The following LINGO2 variants were observed in gnomAD, a reference collection of about 807,000 sequenced individuals.
LINGO2 encodes leucine rich repeat and Ig domain containing 2, also known as leucine-rich repeat and immunoglobulin-like domain-containing nogo receptor-interacting protein 2.
Under a neutral mutation model 30.6 loss-of-function variants are expected in LINGO2, and 14 were observed. The ratio of observed to expected loss-of-function variants is 0.46; its 90% CI spans 0.30 to 0.72. The LOEUF is 0.72. Ranked by LOEUF, LINGO2 falls within the 30% of genes least tolerant of loss-of-function variation. The pLI, the probability that LINGO2 is intolerant of heterozygous loss-of-function variation, is 0.07. For missense variants in LINGO2, 729 were observed against 751.7 expected, an observed-to-expected ratio of 0.97 and a Z score of 0.35; for synonymous variants, 317 against 288.5, an observed-to-expected ratio of 1.10 and a Z score of -1.00.
chr9:28,959,745 G>T, the LINGO2 span, among the ~76,000 whole-genome samples: 1 of 151,798 alleles, frequency 6.6e-6, no homozygotes, highest in Non-Finnish European at 1.5e-5. Context: ...GTTTACAAAT[G>T]GCTACTGCTT....
chr9:28,630,964 T>C (rs1394541167), intron 1 of LINGO2, among the ~76,000 whole-genome samples: 2 of 151,818 alleles, frequency 1.3e-5, no homozygotes. Flanking sequence ...GTGTTGATAT[T>C]ATACTGTAAT....
chr9:28,535,044 C>T (rs952806706), intron 1 of LINGO2, among the ~76,000 whole-genome samples: 2 of 151,970 alleles, frequency 1.3e-5, no homozygotes, highest in Admixed American at 1.3e-4. Flanking sequence ...CTATTTGACC[C>T]CGGAATTCTT....
At chr9:28,403,899 CT>C (rs1193524966) in intron 2 of LINGO2, among the ~76,000 whole-genome samples, 1 of 151,852 alleles carries the variant, frequency 6.6e-6, no homozygotes, top group African/African-American at 2.4e-5. Context: ...GAATTAAATC[CT>C]TTTTTTGGCA....
rs74180792 is a variant in LINGO2, at chr9:28,199,344, C to CTTCTT, written c.-87+95863_-87+95864insAAGAA. Among the ~76,000 whole-genome samples the CTTCTT allele has an allele frequency of 5.9e-4, 69 of 117,674 alleles. 3 individuals carry two copies. The highest frequency in any genetic ancestry group is 5.4e-3 in the South Asian group (21 of 3,922). 77.2% of individuals were successfully genotyped at this position (117,674 alleles called of 152,430 possible). On this transcript the variant is annotated intron_variant, in intron 4 of 5. Coordinates refer to ENST00000379992, the Ensembl canonical transcript of LINGO2. Reference sequence around the variant, plus strand: ...CTATCTTCTTCTTCTTCTTCTTCTTCTTTTTTTTTTTTTGAGACGGAGTCT... The same window carrying CTTCTT: ...CTATCTTCTTCTTCTTCTTCTTCTTCTTCTTTTTTTTTTTTTTTGAGACGGAGTCT...
the LINGO2 span, among the ~76,000 whole-genome samples, chr9:28,775,560 C>T: frequency 6.6e-6 from 1 of 152,072 alleles, no homozygotes; most frequent in African/African-American, 2.4e-5. Flanking sequence ...TCTTTTTGGG[C>T]CTCAAACTTC....
the LINGO2 span, among the ~76,000 whole-genome samples, chr9:29,038,673 GAAA>G: frequency 4.8e-5 from 6 of 126,070 alleles, no homozygotes; most frequent in East Asian, 2.5e-4. Flanking sequence ...TCACTACTCA[GAAA>G]AAAAAAAAAA....
the LINGO2 span, among the ~76,000 whole-genome samples, chr9:28,945,147 C>T: frequency 2.5e-4 from 38 of 152,036 alleles, no homozygotes; most frequent in African/African-American, 9.2e-4. Flanking sequence ...CAAGATTGGC[C>T]CTATCGTTTT....
chr9:28,599,391 G>A (rs1429048157), intron 1 of LINGO2: 2 of 152,102 alleles, frequency 1.3e-5, no homozygotes, highest in African/African-American at 4.8e-5. Flanking sequence ...CCATAAATGA[G>A]TTCATTAAGT....
the LINGO2 span, among the ~76,000 whole-genome samples, chr9:28,874,087 C>T: frequency 2.0e-5 from 3 of 151,892 alleles, no homozygotes; most frequent in African/African-American, 7.3e-5. Flanking sequence ...CATCTGCTGG[C>T]CCATATCATG....
chr9:28,759,197 T>C, the LINGO2 span, among the ~76,000 whole-genome samples: 1 of 152,032 alleles, frequency 6.6e-6, no homozygotes, highest in African/African-American at 2.4e-5. Flanking sequence ...CTGTGATGGA[T>C]TGTTTATTTG....
the LINGO2 span, among the ~76,000 whole-genome samples, chr9:28,988,702 T>C: frequency 6.6e-6 from 1 of 152,196 alleles, no homozygotes; most frequent in Non-Finnish European, 1.5e-5. Context: ...CTAAAGAAAC[T>C]AGATAAGTGC....
chr9:28,126,257 G>T (rs1253591753), intron 4 of LINGO2, among the ~76,000 whole-genome samples: 2 of 152,002 alleles, frequency 1.3e-5, no homozygotes, highest in Non-Finnish European at 2.9e-5. Context: ...ATAGGCTTTG[G>T]CTACTACAAA....
intron 4 of LINGO2, among the ~76,000 whole-genome samples, chr9:28,074,562 A>G (rs1825570394): frequency 6.6e-6 from 1 of 152,156 alleles, no homozygotes; most frequent in Non-Finnish European, 1.5e-5. Flanking sequence ...TGTTCAAGTC[A>G]TATACCAGAG....
At chr9:28,281,640 T>C (rs1823329822) in intron 4 of LINGO2, among the ~76,000 whole-genome samples, 2 of 152,028 alleles carry the variant, frequency 1.3e-5, no homozygotes, top group African/African-American at 4.8e-5. Context: ...TTAAGATGTT[T>C]ATATAGTCTA....
the LINGO2 span, among the ~76,000 whole-genome samples, chr9:29,160,195 C>T: frequency 6.6e-6 from 1 of 152,176 alleles, no homozygotes; most frequent in East Asian, 1.9e-4. Flanking sequence ...GTTTCCAGAT[C>T]TTGCAGATAC....
chr9:28,725,087 T>C, the LINGO2 span, among the ~76,000 whole-genome samples: 2 of 152,220 alleles, frequency 1.3e-5, no homozygotes, highest in East Asian at 3.9e-4. Flanking sequence ...GAGCGTATTT[T>C]TTAATGATGA....
chr9:28,394,678 G>A (rs1021615442), intron 2 of LINGO2, among the ~76,000 whole-genome samples: 3 of 152,134 alleles, frequency 2.0e-5, no homozygotes, highest in African/African-American at 7.2e-5. Flanking sequence ...GAGGTAACAG[G>A]TAAGAAATAA....
At chr9:28,177,503 G>A (rs1049784033) in intron 4 of LINGO2, among the ~76,000 whole-genome samples, 7 of 152,118 alleles carry the variant, frequency 4.6e-5, no homozygotes, top group African/African-American at 1.4e-4. Context: ...GAACCTCTCT[G>A]ATCCCCATTA....
chr9:29,080,893 G>T, the LINGO2 span, among the ~76,000 whole-genome samples: 1 of 152,064 alleles, frequency 6.6e-6, no homozygotes, highest in Non-Finnish European at 1.5e-5. Flanking sequence ...TGGAATAAGT[G>T]AGATGTGGTT....
Sources: allele counts gnomAD v4.1 joint callset (sites outside exome capture counted in the v4.1 genomes callset), GRCh38; gene constraint gnomAD v4.1.1; transcripts MANE v1.5; gene names NCBI Gene and HGNC (gene_info 2026-07-23, HGNC 2026-07-21).